MAGI2: variants seen among roughly 807,000 people sequenced by gnomAD.
The protein encoded by MAGI2 is membrane associated guanylate kinase, WW and PDZ domain containing 2, also known as membrane-associated guanylate kinase, WW and PDZ domain-containing protein 2.
A neutral mutation model predicts 133.3 loss-of-function variants in MAGI2; 35 were observed. The ratio of observed to expected loss-of-function variants is 0.26; its 90% CI spans 0.20 to 0.35. MAGI2 has a LOEUF of 0.35. MAGI2 is among the 10% of genes least tolerant of loss of function. The probability of loss-of-function intolerance (pLI) is 1.00; values close to 1 mark genes in which losing one functional copy is unlikely to be tolerated. For missense variants in MAGI2, 1,636 were observed against 1,863.4 expected (o/e 0.88, Z 2.25); for synonymous variants, 729 against 710.6 (o/e 1.03, Z -0.41).
In MAGI2 at chr7:78,057,973, A is replaced by G. The variant is rs1239690599; in HGVS notation, c.3706+20974T>C. 2.1e-4 allele frequency among the ~76,000 whole-genome samples: 15 copies of G among 70,804 alleles called. 1 individual carries two copies. The highest frequency in any genetic ancestry group is 4.8e-4 in the East Asian group (1 of 2,088). The allele number at this position is 70,804 out of a possible 152,430, so 46.5% of individuals were successfully genotyped here. ...TTCTCCCCTCTGGCATTTTATATATATGTGTATATATATATATATATATAT... is the reference window on the plus strand; with the variant it reads ...TTCTCCCCTCTGGCATTTTATATATGTGTGTATATATATATATATATATAT... On this transcript the variant is annotated intron_variant, in intron 21 of 21. Transcript: ENST00000354212.
At chr7:78,188,627 C>T (rs780010212) in intron 12 of MAGI2, among the ~76,000 whole-genome samples, 31 of 152,014 alleles carry the variant, frequency 2.0e-4, no homozygotes, top group Non-Finnish European at 3.2e-4. Context: ...AGAGAACATA[C>T]GTGGGGGGTA....
intron 16 of MAGI2, among the ~76,000 whole-genome samples, chr7:78,151,359 G>T (rs1273815420): frequency 6.6e-6 from 1 of 152,030 alleles, no homozygotes; most frequent in Non-Finnish European, 1.5e-5. Flanking sequence ...AAGGAGTCTG[G>T]GATGCCATCC....
intron 7 of MAGI2, chr7:78,347,274 C>T (rs1248700386): frequency 6.6e-6 from 1 of 152,336 alleles, no homozygotes; most frequent in Non-Finnish European, 1.5e-5. Flanking sequence ...ATCTCAACAA[C>T]CAATTTCCAA....
intron 1 of MAGI2, among the ~76,000 whole-genome samples, chr7:79,289,576 A>G (rs937813798): frequency 6.6e-6 from 1 of 152,160 alleles, no homozygotes; most frequent in African/African-American, 2.4e-5. Flanking sequence ...CCCTGAATAT[A>G]GATCACCTAG....
intron 4 of MAGI2, among the ~76,000 whole-genome samples, chr7:78,511,468 G>A (rs1383879218): frequency 6.7e-6 from 1 of 150,044 alleles, no homozygotes; most frequent in Admixed American, 6.6e-5. Flanking sequence ...AAAATGAGAA[G>A]AATTCTAATA....
chr7:79,380,793 T>C (rs1304282015), intron 1 of MAGI2, among the ~76,000 whole-genome samples: 1 of 151,834 alleles, frequency 6.6e-6, no homozygotes, highest in African/African-American at 2.4e-5. Flanking sequence ...AGGTGGCTGC[T>C]GTTTGGCTTA....
At chr7:78,182,578 T>C (rs1009767153) in intron 13 of MAGI2, among the ~76,000 whole-genome samples, 1 of 152,174 alleles carries the variant, frequency 6.6e-6, no homozygotes, top group Non-Finnish European at 1.5e-5. Flanking sequence ...GAGCCTTCAT[T>C]CTACCTCTGA....
At chr7:78,733,585 T>C (rs1180922576) in intron 2 of MAGI2, among the ~76,000 whole-genome samples, 1 of 152,196 alleles carries the variant, frequency 6.6e-6, no homozygotes. Flanking sequence ...AAATCAATAA[T>C]TTATTTTAAG....
chr7:79,307,058 A>T (rs2129560249), intron 1 of MAGI2, among the ~76,000 whole-genome samples: 1 of 152,272 alleles, frequency 6.6e-6, no homozygotes. Context: ...ATTTATCCTG[A>T]AAACTCCTTC....
chr7:78,329,175 T>C (rs1788911592), intron 9 of MAGI2, among the ~76,000 whole-genome samples: 1 of 152,214 alleles, frequency 6.6e-6, no homozygotes, highest in African/African-American at 2.4e-5. Flanking sequence ...GAGAGGCACA[T>C]TAATTACATT....
At chr7:79,249,036 GT>G (rs1833028926) in intron 1 of MAGI2, among the ~76,000 whole-genome samples, 1 of 151,812 alleles carries the variant, frequency 6.6e-6, no homozygotes, top group Non-Finnish European at 1.5e-5. Flanking sequence ...GCTAATTTTT[GT>G]ATTTTTAGTA....
intron 2 of MAGI2, among the ~76,000 whole-genome samples, chr7:78,632,558 C>T (rs1473798029): frequency 6.6e-6 from 1 of 152,186 alleles, no homozygotes; most frequent in Non-Finnish European, 1.5e-5. Context: ...AAGAGAAATT[C>T]CACTTATTTC....
chr7:78,554,577 C>A (rs1453083675), intron 3 of MAGI2: 1 of 152,204 alleles, frequency 6.6e-6, no homozygotes, highest in African/African-American at 2.4e-5. Flanking sequence ...CTTCTTCTCG[C>A]CCATCTCCCC....
rs539264098 is a variant in MAGI2 at position 79,086,201 on chromosome 7, G to A, written c.302-78995C>T. Among the ~76,000 whole-genome samples the A allele has an allele frequency of 5.9e-5, 9 of 151,872 alleles. No homozygotes were observed. The South Asian group carries it at 1.0e-3, about 18-fold the overall frequency. On this transcript the variant is annotated intron_variant, in intron 1 of 21. Transcript: ENST00000354212. ...TTTTCAGCAAATTTCCCTAAGGATG[G>A]GACAGACTGAACTCCAAGTCAGGTC...
At chr7:79,380,401 C>G (rs1161130289) in intron 1 of MAGI2, among the ~76,000 whole-genome samples, 1 of 151,758 alleles carries the variant, frequency 6.6e-6, no homozygotes, top group Non-Finnish European at 1.5e-5. Context: ...CCTTTACAGT[C>G]TTTGCTAGCT....
intron 2 of MAGI2, among the ~76,000 whole-genome samples, chr7:78,716,721 A>G (rs1430962825): frequency 6.6e-6 from 1 of 152,234 alleles, no homozygotes; most frequent in Non-Finnish European, 1.5e-5. Context: ...ATACCAGAGC[A>G]GGGACACAGA....
intron 2 of MAGI2, among the ~76,000 whole-genome samples, chr7:78,754,370 C>CAAATAAATAAATAAAT (rs1554555812): frequency 2.8e-4 from 41 of 147,282 alleles, no homozygotes; most frequent in African/African-American, 8.6e-4. Context: ...GACCCTGTCT[C>CAAATAAATAAATAAAT]AAATAAATAA....
chr7:79,069,544 T>TTC, intron 1 of MAGI2, among the ~76,000 whole-genome samples: 1 of 78 alleles, frequency 0.013, no homozygotes, highest in Non-Finnish European at 0.028. Flanking sequence ...GTCTTGACTC[T>TTC]ATCCAATTTG....
At chr7:79,090,926 C>T (rs1816986712) in intron 1 of MAGI2, among the ~76,000 whole-genome samples, 1 of 152,076 alleles carries the variant, frequency 6.6e-6, no homozygotes, top group South Asian at 2.1e-4. Context: ...GTTCCCACAA[C>T]AGTGTACAGC....
Sources: gnomAD v4.1 joint callset for allele counts (sites outside exome capture counted in the v4.1 genomes callset) on GRCh38, gnomAD v4.1.1 for gene constraint, MANE v1.5 for transcripts, NCBI Gene and HGNC (gene_info 2026-07-23, HGNC 2026-07-21) for gene names.